The following TRPS1 variants were observed in gnomAD, a reference collection of about 807,000 sequenced individuals.
TRPS1 encodes the protein transcriptional repressor GATA binding 1.
In TRPS1, 6 loss-of-function variants were observed where a neutral mutation model predicts 101.2. The ratio of observed to expected loss-of-function variants is 0.06; its 90% CI spans 0.03 to 0.12. The LOEUF is 0.12. TRPS1 is among the 10% of genes least tolerant of loss of function. The pLI, the probability that TRPS1 is intolerant of heterozygous loss-of-function variation, is 1.00. For missense variants in TRPS1, 1,363 were observed against 1,567.0 expected, an observed-to-expected ratio of 0.87 and a Z score of 2.20; for synonymous variants, 578 against 589.8, an observed-to-expected ratio of 0.98 and a Z score of 0.29.
At chr8:115,495,794 T>G (rs889336164) in intron 5 of TRPS1, among the ~76,000 whole-genome samples, 3 of 152,084 alleles carry the variant, frequency 2.0e-5, no homozygotes, top group Non-Finnish European at 2.9e-5. Context: ...TACACACAAG[T>G]GATAGATTTT....
chr8:115,534,730 GTAA>G (rs1816239166), intron 5 of TRPS1, among the ~76,000 whole-genome samples: 3 of 152,180 alleles, frequency 2.0e-5, no homozygotes, highest in South Asian at 4.1e-4. Flanking sequence ...TCAGAGAGTG[GTAA>G]TAATATATGA....
intron 5 of TRPS1, among the ~76,000 whole-genome samples, chr8:115,454,228 C>T (rs1027511612): frequency 6.6e-6 from 1 of 152,172 alleles, no homozygotes; most frequent in Non-Finnish European, 1.5e-5. Context: ...CTATTCAATA[C>T]CGTATTTTGA....
chr8:115,477,439 CT>C (rs1814635249), intron 5 of TRPS1, among the ~76,000 whole-genome samples: 1 of 152,198 alleles, frequency 6.6e-6, no homozygotes, highest in South Asian at 2.1e-4. Flanking sequence ...GCTCCTGTAT[CT>C]TTACCTTCTA....
chr8:115,457,226 G>A (rs1814051599), intron 5 of TRPS1, among the ~76,000 whole-genome samples: 1 of 152,150 alleles, frequency 6.6e-6, no homozygotes, highest in Non-Finnish European at 1.5e-5. Flanking sequence ...TCTGTCCAAA[G>A]ATGAATAAGC....
At chr8:115,546,116 A>T (rs553680603) in intron 5 of TRPS1, among the ~76,000 whole-genome samples, 1 of 152,084 alleles carries the variant, frequency 6.6e-6, no homozygotes, top group African/African-American at 2.4e-5. Context: ...ATATTTAGAA[A>T]ATGTCAATGG....
intron 5 of TRPS1, among the ~76,000 whole-genome samples, chr8:115,487,557 C>T (rs1586323625): frequency 6.6e-6 from 1 of 152,140 alleles, no homozygotes; most frequent in Admixed American, 6.5e-5. Context: ...TAAGAACATT[C>T]GTAATTCGTG....
chr8:115,489,298 A>G (rs1375989276), intron 5 of TRPS1, among the ~76,000 whole-genome samples: 1 of 152,190 alleles, frequency 6.6e-6, no homozygotes, highest in Non-Finnish European at 1.5e-5. Context: ...ATTATACCAA[A>G]CCAAAACAAA....
At chr8:115,499,738 T>C (rs1332516381) in intron 5 of TRPS1, among the ~76,000 whole-genome samples, 1 of 152,186 alleles carries the variant, frequency 6.6e-6, no homozygotes, top group Non-Finnish European at 1.5e-5. Context: ...TTTAGTGTTC[T>C]TGTAGGTTTA....
Position 115,410,470 on chromosome 8 carries a change from T to C in TRPS1, c.*3553A>G, listed in dbSNP as rs770929798. 2 of 152,420 alleles carry C rather than the reference T, an allele frequency of 1.3e-5. No homozygotes were observed. Among genetic ancestry groups the C allele is most frequent in the African/African-American group, 2.4e-5 (1 of 41,408 alleles). 9.4% of individuals were successfully genotyped at this position (152,420 alleles called of 1,614,324 possible). A position where few individuals can be genotyped will look rare whatever the true frequency, so the allele number is the denominator to read the frequency against. ...AACAGTTTAGAACAGAACATCACTATCTTAAAAGTTGATTAAAAAAAATCT... is the reference window on the plus strand; with the variant it reads ...AACAGTTTAGAACAGAACATCACTACCTTAAAAGTTGATTAAAAAAAATCT... On this transcript the variant is annotated 3_prime_UTR_variant, in exon 7 of 7. Transcript: ENST00000395715.
intron 5 of TRPS1, among the ~76,000 whole-genome samples, chr8:115,431,008 T>C (rs1813306084): frequency 1.3e-5 from 2 of 152,070 alleles, no homozygotes; most frequent in South Asian, 4.1e-4. Context: ...TTATTTACTT[T>C]AGTAGGAGGA....
At chr8:115,444,831 C>G (rs1483709092) in intron 5 of TRPS1, among the ~76,000 whole-genome samples, 1 of 152,212 alleles carries the variant, frequency 6.6e-6, no homozygotes, top group Admixed American at 6.5e-5. Flanking sequence ...TCCAATTAGT[C>G]ACCAAGTCCT....
At chr8:115,564,123 G>A (rs1053599315) in intron 5 of TRPS1, among the ~76,000 whole-genome samples, 6 of 151,990 alleles carry the variant, frequency 3.9e-5, no homozygotes, top group Non-Finnish European at 7.4e-5. Flanking sequence ...TCAGTGGCCA[G>A]GAATTTATGT....
At chr8:115,505,271 T>C (rs1034630190) in intron 5 of TRPS1, among the ~76,000 whole-genome samples, 2 of 152,164 alleles carry the variant, frequency 1.3e-5, no homozygotes, top group African/African-American at 4.8e-5. Flanking sequence ...TGGTTAAGTA[T>C]TGTCTCTGTT....
intron 5 of TRPS1, among the ~76,000 whole-genome samples, chr8:115,577,789 C>T (rs776537615): frequency 4.1e-4 from 62 of 152,010 alleles, no homozygotes; most frequent in Admixed American, 1.7e-3. Context: ...TAATTAAATG[C>T]CATCTTTTAA....
At chr8:115,622,975 A>C (rs1285084505) in intron 2 of TRPS1, among the ~76,000 whole-genome samples, 1 of 152,158 alleles carries the variant, frequency 6.6e-6, no homozygotes, top group Non-Finnish European at 1.5e-5. Flanking sequence ...TTTCAAAACA[A>C]AAAGAAGCTT....
chr8:115,601,207 G>C (rs1403844441), intron 4 of TRPS1, among the ~76,000 whole-genome samples: 1 of 152,096 alleles, frequency 6.6e-6, no homozygotes, highest in African/African-American at 2.4e-5. Flanking sequence ...CAAAAGCCTA[G>C]AATATTTCAC....
chr8:115,629,331 A>G (rs1366645388), intron 1 of TRPS1, among the ~76,000 whole-genome samples: 3 of 151,994 alleles, frequency 2.0e-5, no homozygotes, highest in East Asian at 3.9e-4. Context: ...ATTTAGAATC[A>G]GAATTTTTTT....
chr8:115,489,565 T>C (rs559502640), intron 5 of TRPS1, among the ~76,000 whole-genome samples: 56 of 152,278 alleles, frequency 3.7e-4, no homozygotes, highest in Admixed American at 3.6e-3. Flanking sequence ...TTTGTTTTCA[T>C]TTATTTGTAT....
chr8:115,421,015 C>G (rs1813039385), intron 5 of TRPS1, among the ~76,000 whole-genome samples: 1 of 147,074 alleles, frequency 6.8e-6, no homozygotes, highest in Non-Finnish European at 1.5e-5. Flanking sequence ...GAGACAGAGT[C>G]TCACTCACCC....
Sources: allele counts gnomAD v4.1 joint callset (sites outside exome capture counted in the v4.1 genomes callset), GRCh38; gene constraint gnomAD v4.1.1; transcripts MANE v1.5; gene names NCBI Gene and HGNC (gene_info 2026-07-23, HGNC 2026-07-21).